PTPN14: variants seen among roughly 807,000 people sequenced by gnomAD.
PTPN14 encodes tyrosine-protein phosphatase non-receptor type 14.
In PTPN14, 53 loss-of-function variants were observed where a neutral mutation model predicts 126.8. That is an observed-to-expected ratio of 0.42 (90% CI 0.34 to 0.53). PTPN14 has a LOEUF of 0.53. Ranked by LOEUF, PTPN14 falls within the 20% of genes least tolerant of loss-of-function variation. The pLI is 0.08. For missense variants in PTPN14, 1,257 were observed against 1,552.9 expected (o/e 0.81, Z 3.20); for synonymous variants, 630 against 599.3 (o/e 1.05, Z -0.75).
At chr1:214,521,258 C>T (rs1361015992) in intron 1 of PTPN14, among the ~76,000 whole-genome samples, 1 of 152,178 alleles carries the variant, frequency 6.6e-6, no homozygotes, top group Non-Finnish European at 1.5e-5. Flanking sequence ...TCACAAAGTA[C>T]TTGACGGCCC....
intron 3 of PTPN14, among the ~76,000 whole-genome samples, chr1:214,434,688 C>T (rs1391095661): frequency 6.6e-6 from 1 of 152,094 alleles, no homozygotes; most frequent in African/African-American, 2.4e-5. Context: ...TTGAAAATTA[C>T]ATGAAATTGG....
intron 1 of PTPN14, among the ~76,000 whole-genome samples, chr1:214,547,801 TC>T (rs1385748869): frequency 3.9e-5 from 6 of 152,196 alleles, no homozygotes; most frequent in Non-Finnish European, 7.4e-5. Context: ...TCAGTGGCTT[TC>T]CCTCCTCAAA....
intron 3 of PTPN14, among the ~76,000 whole-genome samples, chr1:214,437,353 G>A (rs192473894): frequency 6.6e-6 from 1 of 152,162 alleles, no homozygotes; most frequent in East Asian, 1.9e-4. Flanking sequence ...ACAGTGGGAA[G>A]TTGTGTTTAA....
chr1:214,507,434 GAC>G (rs1198892832), intron 1 of PTPN14, among the ~76,000 whole-genome samples: 1 of 152,180 alleles, frequency 6.6e-6, no homozygotes, highest in African/African-American at 2.4e-5. Flanking sequence ...CAGAAGTCAA[GAC>G]ACAGCATATA....
intron 1 of PTPN14, among the ~76,000 whole-genome samples, chr1:214,534,045 T>G (rs1472963741): frequency 1.3e-5 from 2 of 152,188 alleles, no homozygotes; most frequent in Non-Finnish European, 2.9e-5. Flanking sequence ...TCTAAATATT[T>G]TTTAAATACC....
intron 2 of PTPN14, among the ~76,000 whole-genome samples, chr1:214,458,485 C>T (rs757393660): frequency 1.4e-4 from 22 of 152,190 alleles, no homozygotes; most frequent in Non-Finnish European, 2.9e-4. Flanking sequence ...ACATCGAGTG[C>T]TTCCTATGCC....
chr1:214,521,358 G>A lies in PTPN14; in HGVS notation c.-155+29825C>T, dbSNP rs550551455. Among the ~76,000 whole-genome samples, 9 of 152,264 alleles carry A rather than the reference G, an allele frequency of 5.9e-5. No homozygotes were observed. In the South Asian group the frequency reaches 1.7e-3, roughly 28 times the overall value. On this transcript the variant is annotated intron_variant, in intron 1 of 18. Transcript: ENST00000366956. Reference sequence around the variant, plus strand: ...CTGATATAATCATCCAATTAAAACGGCAGATGCCTTCCTTGAGAGAAAAAG... The same window carrying A: ...CTGATATAATCATCCAATTAAAACGACAGATGCCTTCCTTGAGAGAAAAAG...
At chr1:214,430,841 T>C (rs1484314649) in intron 3 of PTPN14, among the ~76,000 whole-genome samples, 1 of 152,232 alleles carries the variant, frequency 6.6e-6, no homozygotes, top group African/African-American at 2.4e-5. Flanking sequence ...CATACTAATA[T>C]GTTGCTCAAA....
chr1:214,449,405 G>A (rs1660222048), intron 3 of PTPN14, among the ~76,000 whole-genome samples: 1 of 152,104 alleles, frequency 6.6e-6, no homozygotes, highest in Admixed American at 6.5e-5. Flanking sequence ...TCACCAATAG[G>A]CCTTACAGGA....
intron 3 of PTPN14, among the ~76,000 whole-genome samples, chr1:214,439,265 G>A (rs1659986045): frequency 6.6e-6 from 1 of 152,006 alleles, no homozygotes; most frequent in African/African-American, 2.4e-5. Context: ...TTCACAGTTG[G>A]CCATTTTATT....
At chr1:214,493,522 C>T (rs1413225709) in intron 1 of PTPN14, among the ~76,000 whole-genome samples, 1 of 151,332 alleles carries the variant, frequency 6.6e-6, no homozygotes, top group Non-Finnish European at 1.5e-5. Flanking sequence ...TACTATGTAC[C>T]CACAAAAATT....
At chr1:214,514,315 G>T (rs1655048426) in intron 1 of PTPN14, among the ~76,000 whole-genome samples, 1 of 152,106 alleles carries the variant, frequency 6.6e-6, no homozygotes, top group Non-Finnish European at 1.5e-5. Context: ...ATGAAGCCAC[G>T]ACTATGATTT....
chr1:214,496,976 G>A (rs1654537359), intron 1 of PTPN14, among the ~76,000 whole-genome samples: 1 of 151,824 alleles, frequency 6.6e-6, no homozygotes, highest in Non-Finnish European at 1.5e-5. Context: ...TAAATTGGAG[G>A]GTCTTTGTAA....
chr1:214,430,782 C>T (rs529801861), intron 3 of PTPN14, among the ~76,000 whole-genome samples: 1 of 152,312 alleles, frequency 6.6e-6, no homozygotes, highest in East Asian at 1.9e-4. Flanking sequence ...CTCCAAAGCT[C>T]CTCCTTATCA....
intron 3 of PTPN14, among the ~76,000 whole-genome samples, chr1:214,426,049 AAAAAAAAAAG>A: frequency 6.7e-6 from 1 of 149,742 alleles, no homozygotes; most frequent in African/African-American, 2.5e-5. Flanking sequence ...AAAAAAAAAA[AAAAAAAAAAG>A]GAAGGAAGAA....
rs1412237150 is a variant in PTPN14, at chr1:214,357,907, G to A, written c.*15C>T. On this transcript the variant is annotated 3_prime_UTR_variant, in exon 19 of 19. Coordinates refer to ENST00000366956, the MANE Select transcript of PTPN14 (RefSeq NM_005401.5). ...ATGGAGCTGGGTCCCTCCTCCAGGA[G>A]CTGGATTGGGGTGATTAAATGAGTC... The A allele has an allele frequency of 6.2e-7, 1 of 1,609,398 alleles. No homozygotes were observed. The highest frequency in any genetic ancestry group is 8.5e-7 in the Non-Finnish European group (1 of 1,177,140).
intron 7 of PTPN14, among the ~76,000 whole-genome samples, chr1:214,401,292 G>A (rs1057465860): frequency 3.9e-5 from 6 of 152,188 alleles, no homozygotes. Flanking sequence ...CCTCACAAAC[G>A]ATTATCCCTG....
intron 3 of PTPN14, among the ~76,000 whole-genome samples, chr1:214,446,245 A>G (rs920322869): frequency 2.0e-5 from 3 of 152,170 alleles, no homozygotes; most frequent in African/African-American, 7.2e-5. Flanking sequence ...TAACATTTCT[A>G]TAACAATATC....
At chr1:214,535,971 A>G (rs953997804) in intron 1 of PTPN14, among the ~76,000 whole-genome samples, 1 of 152,150 alleles carries the variant, frequency 6.6e-6, no homozygotes, top group Non-Finnish European at 1.5e-5. Context: ...CACTATATCA[A>G]TCTCACTCAT....
Sources: gnomAD v4.1 joint callset for allele counts (sites outside exome capture counted in the v4.1 genomes callset) on GRCh38, gnomAD v4.1.1 for gene constraint, MANE v1.5 for transcripts, NCBI Gene and HGNC (gene_info 2026-07-23, HGNC 2026-07-21) for gene names.